The following IGLON5 variants were observed in gnomAD, a reference collection of about 807,000 sequenced individuals.
IGLON5 encodes Ig-like domain-containing protein ENSP00000270642.
A neutral mutation model predicts 38.2 loss-of-function variants in IGLON5; 16 were observed. The ratio of observed to expected loss-of-function variants is 0.42; its 90% CI spans 0.28 to 0.64. The LOEUF is 0.64. IGLON5 is among the 30% of genes least tolerant of loss of function. The pLI, the probability that IGLON5 is intolerant of heterozygous loss-of-function variation, is 0.23. For missense variants in IGLON5, 366 were observed against 483.4 expected (o/e 0.76, Z 2.28); for synonymous variants, 207 against 216.4 (o/e 0.96, Z 0.38).
Position 51,327,196 on chromosome 19 carries a change from A to C in IGLON5, c.763A>C (p.Arg255=). 6.2e-7 allele frequency: 1 copy of C among 1,611,626 alleles called. No homozygotes were observed. The highest frequency in any genetic ancestry group is 8.5e-7 in the Non-Finnish European group (1 of 1,179,264). ...PADFQWYKDD[R]LLSSGTAEGL... ...GGATTTCCAGTGGTACAAGGATGAC[A>C]GACTGTGAGGACAGCACTGAGGGGG... The change falls in exon 6 of 8, where the codon AGA becomes CGA. Residue 255 remains arginine (R), a synonymous_variant. Coordinates refer to ENST00000270642, the MANE Select transcript of IGLON5 (RefSeq NM_001101372.3). This position sits in a 1 kb window ranked among gnomAD's most constrained non-coding sequence, Gnocchi z 7.1.
Position 51,311,855 on chromosome 19 carries a change from C to T in IGLON5, c.8C>T (p.Pro3Leu), listed in dbSNP as rs544011313. 94 of 1,315,918 alleles carry T rather than the reference C, an allele frequency of 7.1e-5. No individual in the cohort carries two copies. The highest frequency in any genetic ancestry group is 1.9e-4 in the African/African-American group (12 of 64,712). The allele number at this position is 1,315,918 out of a possible 1,614,324, so 81.5% of individuals were successfully genotyped here. The change falls in exon 1 of 8, where the codon CCC becomes CTC. Residue 3 changes from proline to leucine, a missense_variant. Transcript: ENST00000270642. MPPPAPGARLRLL... is the reference protein window; with the variant it reads MPLPAPGARLRLL... ...CGCGCCGCCTCTGCCGCGATGCCCCCCCCTGCGCCCGGGGCCCGGCTCCGG... is the reference window on the plus strand; with the variant it reads ...CGCGCCGCCTCTGCCGCGATGCCCCTCCCTGCGCCCGGGGCCCGGCTCCGG...
chr19:51,320,751 C>T (rs1166097069), intron 1 of IGLON5, among the ~76,000 whole-genome samples: 1 of 152,060 alleles, frequency 6.6e-6, no homozygotes, highest in Non-Finnish European at 1.5e-5. Context: ...TCTCTGTGCG[C>T]ACGTGTTCAT....
chr19:51,327,651 C>T lies in IGLON5; in HGVS notation c.768-81C>T. 6.6e-7 allele frequency: 1 copy of T among 1,522,152 alleles called. No homozygotes were observed. The highest frequency in any genetic ancestry group is 8.8e-7 in the Non-Finnish European group (1 of 1,139,242). The allele number at this position is 1,522,152 out of a possible 1,614,324, so 94.3% of individuals were successfully genotyped here. On this transcript the variant is annotated intron_variant, in intron 6 of 7. Coordinates refer to ENST00000270642, the MANE Select transcript of IGLON5 (RefSeq NM_001101372.3). The surrounding 1 kb of genome is among the most constrained non-coding windows in gnomAD (Gnocchi z 7.1). ...GGTAGGGGGCAGAATGCTGGGTCAC[C>T]GGGGAACGGAGGAGCCTGAGAGTCG...
At chr19:51,319,810 C>T (rs950615370) in intron 1 of IGLON5, among the ~76,000 whole-genome samples, 3 of 151,998 alleles carry the variant, frequency 2.0e-5, no homozygotes, top group Admixed American at 6.5e-5. Context: ...TCCCTCTGAG[C>T]GGGTCCACAG....
In IGLON5 at chr19:51,330,766, G is replaced by A. The variant is rs949437753; in HGVS notation, c.*2007G>A. On this transcript the variant is annotated 3_prime_UTR_variant, in exon 8 of 8. Transcript: ENST00000270642. Reference sequence around the variant, plus strand: ...TGAGAAGGATAGGAACACTGTGAAGGGCAGAGTGGAAACCTTAGAGAAACT... The same window carrying A: ...TGAGAAGGATAGGAACACTGTGAAGAGCAGAGTGGAAACCTTAGAGAAACT... Among the ~76,000 whole-genome samples, 3 of 152,054 alleles carry A rather than the reference G, an allele frequency of 2.0e-5. No individual in the cohort carries two copies. Among genetic ancestry groups the A allele is most frequent in the South Asian group, 2.1e-4 (1 of 4,816 alleles).
At position 51,328,665 on chromosome 19, in the gene IGLON5, C is replaced by T. The variant is rs200664152; in HGVS notation, c.923-6C>T. ...CCTCCCTCCATGACCCCTTCTCTTC[C>T]CCCAGGCCCAGGATCCCTGGAGAAC... On this transcript the variant is annotated splice_region_variant and splice_polypyrimidine_tract_variant and intron_variant, in intron 7 of 7. Coordinates refer to ENST00000270642, the MANE Select transcript of IGLON5 (RefSeq NM_001101372.3). 1,437 of 1,560,272 alleles carry T rather than the reference C, an allele frequency of 9.2e-4. No individual in the cohort carries two copies. The highest frequency in any genetic ancestry group is 1.1e-3 in the Non-Finnish European group (1,287 of 1,152,520).
chr19:51,328,339 C>CAAAAAAAAAAAAAAAAAAA (rs767807401), intron 7 of IGLON5, among the ~76,000 whole-genome samples: 17 of 124,148 alleles, frequency 1.4e-4, no homozygotes, highest in African/African-American at 5.2e-4. Context: ...ATGTCTCTAC[C>CAAAAAAAAAAAAAAAAAAA]AAAAAAAAAA....
chr19:51,312,822 C>A (rs1252393179), intron 1 of IGLON5, among the ~76,000 whole-genome samples: 3 of 152,148 alleles, frequency 2.0e-5, no homozygotes, highest in Non-Finnish European at 4.4e-5. Flanking sequence ...GATAGCTGGA[C>A]CTTGAGTCTC....
chr19:51,320,424 A>G (rs1348345733), intron 1 of IGLON5, among the ~76,000 whole-genome samples: 4 of 152,204 alleles, frequency 2.6e-5, no homozygotes, highest in Non-Finnish European at 5.9e-5. Flanking sequence ...CAGAAGTCCA[A>G]GGTCATCCAG....
intron 1 of IGLON5, among the ~76,000 whole-genome samples, chr19:51,316,693 C>T (rs1340838808): frequency 2.0e-5 from 3 of 151,866 alleles, no homozygotes; most frequent in African/African-American, 7.3e-5. Flanking sequence ...GGGGTTTCAC[C>T]ATATTGGTCA....
In IGLON5 at chr19:51,325,614, C is replaced by T. The variant is rs1568459360; in HGVS notation, c.511+149C>T. The T allele has an allele frequency of 1.1e-6, 1 of 917,844 alleles. No homozygotes were observed. Among genetic ancestry groups the T allele is most frequent in the East Asian group, 2.8e-5 (1 of 36,022 alleles). 56.9% of individuals were successfully genotyped at this position (917,844 alleles called of 1,614,324 possible). On this transcript the variant is annotated intron_variant, in intron 4 of 7. Coordinates refer to ENST00000270642, the MANE Select transcript of IGLON5 (RefSeq NM_001101372.3). This position sits in a 1 kb window ranked among gnomAD's most constrained non-coding sequence, Gnocchi z 5.5. ...ACTCTGCTTCCAGTTATTTCATCCA[C>T]AGACCACAAACCCCAGACCTAAGAG...
rs138075149 is a variant in IGLON5 at position 51,315,633 on chromosome 19, C to A, written c.79+3707C>A. Reference sequence around the variant, plus strand: ...TTTGAAGCTCAAGTGGTTGAGGAAACCATCTCTGAGCAGGGGAGAGTGGAG... The same window carrying A: ...TTTGAAGCTCAAGTGGTTGAGGAAAACATCTCTGAGCAGGGGAGAGTGGAG... On this transcript the variant is annotated intron_variant, in intron 1 of 7. Coordinates refer to ENST00000270642, the MANE Select transcript of IGLON5 (RefSeq NM_001101372.3). Among the ~76,000 whole-genome samples the A allele has an allele frequency of 1.7e-3, 257 of 150,956 alleles. 1 individual carries two copies. Among genetic ancestry groups the A allele is most frequent in the African/African-American group, 5.3e-3 (219 of 41,054 alleles).
chr19:51,322,478 AAG>A (rs1191070698), intron 2 of IGLON5, among the ~76,000 whole-genome samples: 45 of 147,646 alleles, frequency 3.0e-4, no homozygotes, highest in African/African-American at 1.2e-3. Context: ...ATCCAGAGAG[AAG>A]GGGACAGAGA....
Position 51,325,359 on chromosome 19 carries a change from T to C in IGLON5, c.405T>C (p.Ile135=), listed in dbSNP as rs1192152150. 1.9e-6 allele frequency: 3 copies of C among 1,613,838 alleles called. No individual in the cohort carries two copies. The highest frequency in any genetic ancestry group is 2.5e-6 in the Non-Finnish European group (3 of 1,179,808). The change falls in exon 4 of 8, where the codon ATT becomes ATC. Residue 135 remains isoleucine (I), a synonymous_variant. Transcript: ENST00000270642. This position sits in a 1 kb window ranked among gnomAD's most constrained non-coding sequence, Gnocchi z 5.5. ...VYLIVHVPAR[I]VNISSPVTVN... ...CGCTGCCCGCAGTCCCTGCCCGCATTGTGAACATCTCGTCGCCTGTGACGG... is the reference window on the plus strand; with the variant it reads ...CGCTGCCCGCAGTCCCTGCCCGCATCGTGAACATCTCGTCGCCTGTGACGG...
chr19:51,330,193 G>A lies in IGLON5; in HGVS notation c.*1434G>A, dbSNP rs868191792. On this transcript the variant is annotated 3_prime_UTR_variant, in exon 8 of 8. Coordinates refer to ENST00000270642, the MANE Select transcript of IGLON5 (RefSeq NM_001101372.3). ...GGCGCAGTGACTGTACCTCAGACGGGGGCATGGGCCCCATCCCACATTGTC... is the reference window on the plus strand; with the variant it reads ...GGCGCAGTGACTGTACCTCAGACGGAGGCATGGGCCCCATCCCACATTGTC... The A allele has an allele frequency of 6.6e-6, 1 of 152,212 alleles. No individual in the cohort carries two copies. The highest frequency in any genetic ancestry group is 1.5e-5 in the Non-Finnish European group (1 of 68,102). The allele number at this position is 152,212 out of a possible 1,614,324, so 9.4% of individuals were successfully genotyped here.
Position 51,329,926 on chromosome 19 carries a change from C to G in IGLON5, c.*1167C>G, listed in dbSNP as rs1985313013. ...AGCTGGTGACTAGCTGTATTTCCCCCTGGGTAGGCATCTGGTGTCAGGAAG... is the reference window on the plus strand; with the variant it reads ...AGCTGGTGACTAGCTGTATTTCCCCGTGGGTAGGCATCTGGTGTCAGGAAG... On this transcript the variant is annotated 3_prime_UTR_variant, in exon 8 of 8. Transcript: ENST00000270642. The surrounding 1 kb of genome is among the most constrained non-coding windows in gnomAD (Gnocchi z 4.3). The G allele has an allele frequency of 6.6e-6, 1 of 152,456 alleles. No homozygotes were observed. Among genetic ancestry groups the G allele is most frequent in the Admixed American group, 6.5e-5 (1 of 15,304 alleles). The allele number at this position is 152,456 out of a possible 1,614,324, so 9.4% of individuals were successfully genotyped here. A position where few individuals can be genotyped will look rare whatever the true frequency, so the allele number is the denominator to read the frequency against.
At chr19:51,323,448 G>A (rs1467201339) in intron 2 of IGLON5, among the ~76,000 whole-genome samples, 4 of 152,002 alleles carry the variant, frequency 2.6e-5, no homozygotes, top group African/African-American at 7.3e-5. Flanking sequence ...CAATAACCAC[G>A]AGCTATTGTT....
chr19:51,313,779 G>A (rs1423765462), intron 1 of IGLON5, among the ~76,000 whole-genome samples: 1 of 150,458 alleles, frequency 6.6e-6, no homozygotes, highest in Non-Finnish European at 1.5e-5. Flanking sequence ...GTGGAGTGGT[G>A]CAAGCATACA....
At chr19:51,313,925 A>T (rs535701445) in intron 1 of IGLON5, among the ~76,000 whole-genome samples, 1 of 151,660 alleles carries the variant, frequency 6.6e-6, no homozygotes, top group East Asian at 1.9e-4. Context: ...TGGGGGTCTC[A>T]CTATATTGCC....
Sources: gnomAD v4.1 joint callset for allele counts (sites outside exome capture counted in the v4.1 genomes callset) on GRCh38, gnomAD v4.1.1 for gene constraint, Gnocchi (gnomAD v3.1) non-coding constraint, MANE v1.5 for transcripts, NCBI Gene and HGNC (gene_info 2026-07-23, HGNC 2026-07-21) for gene names.